AVEN: variants seen among roughly 807,000 people sequenced by gnomAD.
AVEN encodes cell death regulator Aven.
A neutral mutation model predicts 38.1 loss-of-function variants in AVEN; 41 were observed. That is an observed-to-expected ratio of 1.08 (90% CI 0.84 to 1.40). AVEN has a LOEUF of 1.40. AVEN is among the 40% of genes most tolerant of loss of function. The pLI is 0.00. For missense variants in AVEN, 605 were observed against 438.8 expected (o/e 1.38, Z -3.38); for synonymous variants, 206 against 171.8 (o/e 1.20, Z -1.56).
At chr15:33,929,284 T>C (rs1893749232) in intron 2 of AVEN, among the ~76,000 whole-genome samples, 1 of 152,192 alleles carries the variant, frequency 6.6e-6, no homozygotes. Context: ...CTGACTGTTA[T>C]CCGCTGAGGC....
intron 1 of AVEN, among the ~76,000 whole-genome samples, chr15:34,027,659 G>A (rs1898550924): frequency 1.3e-5 from 2 of 152,066 alleles, no homozygotes; most frequent in Non-Finnish European, 2.9e-5. Context: ...GACACCATTT[G>A]ACCTCCCTGA....
intron 2 of AVEN, among the ~76,000 whole-genome samples, chr15:33,898,904 GA>G: frequency 6.6e-6 from 1 of 152,304 alleles, no homozygotes; most frequent in South Asian, 2.1e-4. Context: ...TGGTCCTGAA[GA>G]GGAGTATAAT....
intron 5 of AVEN, among the ~76,000 whole-genome samples, chr15:34,058,577 C>CACAT (rs975915505): frequency 5.9e-5 from 9 of 151,890 alleles, no homozygotes; most frequent in African/African-American, 2.2e-4. Context: ...CACACACACA[C>CACAT]ACACACACAC....
upstream of AVEN, among the ~76,000 whole-genome samples, chr15:34,043,293 C>A (rs1327703640): frequency 2.7e-5 from 4 of 150,922 alleles, no homozygotes; most frequent in Non-Finnish European, 5.9e-5. Context: ...CACTGTTTGA[C>A]GAAAAGTAGA....
chr15:33,865,236 A>C, downstream of AVEN: 1 of 1,591,602 alleles, frequency 6.3e-7, no homozygotes, highest in East Asian at 2.3e-5. Flanking sequence ...AATCTGAATC[A>C]AAGAAGCGCG....
intron 11 of AVEN, chr15:33,861,206 T>C: frequency 1.3e-6 from 2 of 1,518,006 alleles, no homozygotes; most frequent in Middle Eastern, 1.7e-4. Context: ...ACAAAAGTAA[T>C]GGCAGCTGTA....
At chr15:33,867,032 G>T (rs1455403606) in intron 5 of AVEN, among the ~76,000 whole-genome samples, 6 of 152,166 alleles carry the variant, frequency 3.9e-5, no homozygotes, top group Middle Eastern at 3.4e-3. Context: ...ATACATGCAT[G>T]TGGCAATCAC....
chr15:33,941,956 C>G (rs1286813267), intron 2 of AVEN, among the ~76,000 whole-genome samples: 1 of 152,160 alleles, frequency 6.6e-6, no homozygotes, highest in African/African-American at 2.4e-5. Context: ...AAAGGGACAG[C>G]CTGCCCTAAA....
At chr15:33,930,973 A>C (rs995220619) in intron 2 of AVEN, among the ~76,000 whole-genome samples, 1 of 151,196 alleles carries the variant, frequency 6.6e-6, no homozygotes, top group Non-Finnish European at 1.5e-5. Flanking sequence ...AAAAAAAAAA[A>C]ACTTAAGGAT....
At chr15:33,980,132 G>A (rs949122236) in intron 2 of AVEN, among the ~76,000 whole-genome samples, 1 of 152,166 alleles carries the variant, frequency 6.6e-6, no homozygotes, top group South Asian at 2.1e-4. Flanking sequence ...AGAGCAACTA[G>A]GCACAGAAGA....
intron 1 of AVEN, among the ~76,000 whole-genome samples, chr15:34,012,372 AT>A (rs1432175634): frequency 9.9e-5 from 15 of 152,226 alleles, no homozygotes; most frequent in African/African-American, 2.9e-4. Context: ...TGTATAAAAA[AT>A]ATCTTTATAT....
intron 1 of AVEN, among the ~76,000 whole-genome samples, chr15:34,012,781 G>A (rs1897689986): frequency 1.3e-5 from 2 of 152,268 alleles, no homozygotes; most frequent in Admixed American, 6.5e-5. Flanking sequence ...GAACTAGAAG[G>A]AACCTAGATA....
At chr15:34,035,086 G>C (rs967414926) in intron 1 of AVEN, among the ~76,000 whole-genome samples, 1 of 152,138 alleles carries the variant, frequency 6.6e-6, no homozygotes, top group African/African-American at 2.4e-5. Context: ...GAAAATTAGA[G>C]ATTTCCTTTT....
intron 2 of AVEN, among the ~76,000 whole-genome samples, chr15:33,977,144 C>T (rs1895919815): frequency 6.6e-6 from 1 of 152,084 alleles, no homozygotes; most frequent in African/African-American, 2.4e-5. Context: ...TAACAAAATC[C>T]GCACTACCTT....
Position 33,867,788 on chromosome 15 carries a change from A to T in AVEN, c.680T>A (p.Met227Lys), listed in dbSNP as rs1442303468. ...AGGCCCCAAGGGCCCCTTTAACTGC[A>T]TCCCTAATCCCTTGCCATCATCAGT... is the stretch of plus-strand genomic sequence containing the variant. ...KRTDDGKGLG[M>K]QLKGPLGPGG... Residue 227 changes from methionine to lysine, a missense_variant, in exon 5 of 6, where the codon ATG (methionine) becomes AAG (lysine). Transcript: ENST00000306730. 6.2e-7 allele frequency: 1 copy of T among 1,613,432 alleles called. No homozygotes were observed. Among genetic ancestry groups the T allele is most frequent in the Admixed American group, 1.7e-5 (1 of 59,870 alleles).
intron 1 of AVEN, among the ~76,000 whole-genome samples, chr15:34,011,740 T>C (rs1897647124): frequency 6.6e-6 from 1 of 152,190 alleles, no homozygotes; most frequent in Non-Finnish European, 1.5e-5. Flanking sequence ...AGTCCTTATA[T>C]CTTTCTCATG....
At chr15:34,017,480 TTTTG>T (rs1473976708) in intron 1 of AVEN, among the ~76,000 whole-genome samples, 2 of 50,228 alleles carry the variant, frequency 4.0e-5, no homozygotes, top group East Asian at 5.6e-4. Flanking sequence ...ATGATTTTTT[TTTTG>T]TTTTTTTTTT....
At chr15:34,072,484 G>A (rs1900647600) in intron 1 of AVEN, among the ~76,000 whole-genome samples, 1 of 147,954 alleles carries the variant, frequency 6.8e-6, no homozygotes, top group Non-Finnish European at 1.5e-5. Context: ...GTGGTGGTGT[G>A]CTGTAATCCC....
At chr15:33,880,762 CAA>C (rs1891453256) in intron 2 of AVEN, among the ~76,000 whole-genome samples, 1 of 151,906 alleles carries the variant, frequency 6.6e-6, no homozygotes, top group South Asian at 2.1e-4. Context: ...AAAAAAGAAA[CAA>C]GAGTTAACTG....
Sources: allele counts gnomAD v4.1 joint callset (sites outside exome capture counted in the v4.1 genomes callset), GRCh38; gene constraint gnomAD v4.1.1; transcripts MANE v1.5; gene names NCBI Gene and HGNC (gene_info 2026-07-23, HGNC 2026-07-21).